The following MYH15 variants were observed in gnomAD, a reference collection of about 807,000 sequenced individuals.
MYH15 encodes the protein myosin-15.
Under a neutral mutation model 240.5 loss-of-function variants are expected in MYH15, and 227 were observed. The observed-to-expected ratio is 0.94, with a 90% CI of 0.85 to 1.05. MYH15 has a LOEUF of 1.05. Ranked by LOEUF, MYH15 falls within the 50% of genes least tolerant of loss-of-function variation. The pLI is 0.00. For synonymous variants in MYH15, 785 were observed against 796.7 expected (o/e 0.99, Z 0.25); for missense variants, 2,217 against 2,247.5 (o/e 0.99, Z 0.27).
chr3:108,513,705 T>A (rs755430152), upstream of MYH15, among the ~76,000 whole-genome samples: 1 of 152,138 alleles, frequency 6.6e-6, no homozygotes, highest in Non-Finnish European at 1.5e-5. Context: ...AATAAGAGAA[T>A]TGAGGACTTG....
chr3:108,408,525 TTG>T, intron 31 of MYH15, 121 bp from the exon 32 acceptor site: 2 of 965,914 alleles, frequency 2.1e-6, no homozygotes, highest in Non-Finnish European at 3.0e-6. Flanking sequence ...CCTTGGTAAC[TTG>T]ATGACCTATC....
At position 108,460,375 on chromosome 3, in the gene MYH15, A is replaced by C. The variant is rs1275885703; in HGVS notation, c.1865-8T>G. On this transcript the variant is annotated splice_polypyrimidine_tract_variant and splice_region_variant and intron_variant, in intron 16 of 40. Transcript: ENST00000693548. ...TCTCCCCAAATGGTATAGCTAGCAA[A>C]AAAAAAAAAAGAAAAAGATGAAAAC... 2.8e-6 allele frequency: 4 copies of C among 1,416,098 alleles called. No homozygotes were observed. The highest frequency in any genetic ancestry group is 3.8e-6 in the Non-Finnish European group (4 of 1,056,946). The allele number at this position is 1,416,098 out of a possible 1,614,324, so 87.7% of individuals were successfully genotyped here. A position where few individuals can be genotyped will look rare whatever the true frequency, so the allele number is the denominator to read the frequency against.
chr3:108,506,829 G>A (rs905333371), intron 1 of MYH15, among the ~76,000 whole-genome samples: 2 of 152,110 alleles, frequency 1.3e-5, no homozygotes, highest in Non-Finnish European at 1.5e-5. Context: ...TCAGGAGTTC[G>A]AGACCAGCCT....
At chr3:108,408,503 A>G (rs2082563591) in intron 31 of MYH15, 99 bp from the exon 32 acceptor site, 2 of 1,167,138 alleles carry the variant, frequency 1.7e-6, no homozygotes, top group African/African-American at 1.6e-5. Context: ...TGGAACAGTG[A>G]CCTCATGCCA....
Position 108,389,083 on chromosome 3 carries a change from A to C in MYH15, c.5431-9T>G. The C allele has an allele frequency of 6.2e-7, 1 of 1,613,194 alleles. No homozygotes were observed. The highest frequency in any genetic ancestry group is 8.5e-7 in the Non-Finnish European group (1 of 1,179,312). Reference sequence around the variant, plus strand: ...CCTTCCAGTTCACGAACCTGCAACCAAAACGTGACCTCAGACCAGACGCTG... The same window carrying C: ...CCTTCCAGTTCACGAACCTGCAACCCAAACGTGACCTCAGACCAGACGCTG... On this transcript the variant is annotated splice_polypyrimidine_tract_variant and intron_variant, in intron 37 of 40. Coordinates refer to ENST00000693548, the MANE Select transcript of MYH15 (RefSeq NM_014981.3).
At chr3:108,404,069 T>A (rs1199737478) in intron 33 of MYH15, among the ~76,000 whole-genome samples, 1 of 152,034 alleles carries the variant, frequency 6.6e-6, no homozygotes, top group South Asian at 2.1e-4. Flanking sequence ...AGGCCCAGGG[T>A]TTTTGCCCTT....
In MYH15 at chr3:108,391,794, C is replaced by A; in HGVS notation, c.5396G>T (p.Gly1799Val). Residue 1799 changes from glycine (G) to valine (V), a missense_variant, in exon 37 of 41, where the codon GGG (glycine) becomes GTG (valine). Coordinates refer to ENST00000693548, the MANE Select transcript of MYH15 (RefSeq NM_014981.3). The stretch of plus-strand genomic sequence containing the variant: ...TAGTTTCTGGATTTGCTTTCTACTC[C>A]CCATCAGGGCCATCTGTTCAGCTTC... ...LAEAEQMALM[G>V]SRKQIQKLES... The A allele has an allele frequency of 1.2e-6, 2 of 1,614,012 alleles. No homozygotes were observed. The highest frequency in any genetic ancestry group is 4.5e-5 in the East Asian group (2 of 44,872).
chr3:108,453,346 G>A (rs2107576603), intron 21 of MYH15, among the ~76,000 whole-genome samples: 1 of 152,218 alleles, frequency 6.6e-6, no homozygotes, highest in African/African-American at 2.4e-5. Context: ...AATTAAACAA[G>A]TTACACCAAG....
intron 21 of MYH15, among the ~76,000 whole-genome samples, chr3:108,447,447 G>C (rs1256930216): frequency 6.6e-6 from 1 of 152,006 alleles, no homozygotes; most frequent in African/African-American, 2.4e-5. Flanking sequence ...AAGTCAAAGA[G>C]AGAATTTTGA....
chr3:108,481,003 C>T (rs549937422), intron 11 of MYH15, among the ~76,000 whole-genome samples: 1 of 152,074 alleles, frequency 6.6e-6, no homozygotes, highest in Non-Finnish European at 1.5e-5. Flanking sequence ...AAAAATTCAA[C>T]ACCTCCATTT....
intron 1 of MYH15, among the ~76,000 whole-genome samples, chr3:108,506,917 G>C (rs1157783348): frequency 6.6e-6 from 1 of 152,112 alleles, no homozygotes; most frequent in Non-Finnish European, 1.5e-5. Context: ...TGTAATCCCA[G>C]CTACTCAGGA....
At chr3:108,470,294 C>T (rs2083161422) in intron 13 of MYH15, 82 bp from the exon 14 acceptor site, 1 of 990,758 alleles carries the variant, frequency 1.0e-6, no homozygotes, top group African/African-American at 1.7e-5. Flanking sequence ...AAAGAAAAAA[C>T]CATAACCATT....
At chr3:108,494,979 A>T (rs2083379964) in intron 7 of MYH15, among the ~76,000 whole-genome samples, 1 of 152,156 alleles carries the variant, frequency 6.6e-6, no homozygotes, top group Non-Finnish European at 1.5e-5. Context: ...AAAACATCCC[A>T]AATCTACCAG....
chr3:108,538,185 G>C, the MYH15 span, among the ~76,000 whole-genome samples: 2 of 152,178 alleles, frequency 1.3e-5, no homozygotes, highest in African/African-American at 4.8e-5. Flanking sequence ...ATCCTAGCTA[G>C]TTGACAAACT....
intron 14 of MYH15, among the ~76,000 whole-genome samples, chr3:108,467,238 A>G (rs2083127570): frequency 6.6e-6 from 1 of 151,658 alleles, no homozygotes; most frequent in Non-Finnish European, 1.5e-5. Flanking sequence ...CCAATCAAAA[A>G]AAGGATGGAG....
At chr3:108,405,794 A>G (rs1322774827) in intron 32 of MYH15, among the ~76,000 whole-genome samples, 1 of 152,192 alleles carries the variant, frequency 6.6e-6, no homozygotes, top group Non-Finnish European at 1.5e-5. Context: ...ACTTTGGGAT[A>G]AATTTTAAAA....
chr3:108,414,253 G>T lies in MYH15; in HGVS notation c.4124C>A (p.Thr1375Lys). 4 of 1,614,160 alleles carry T rather than the reference G, an allele frequency of 2.5e-6. No individual in the cohort carries two copies. The highest frequency in any genetic ancestry group is 3.4e-6 in the Non-Finnish European group (4 of 1,180,014). The part of the protein sequence containing the change: ...MKYENNVIQR[T>K]EDLEDAKKEL... ...TCACTTGGCATCCTCCAAGTCTTCT[G>T]TTCTCTGGATGACATTGTTTTCATA... The change falls in exon 30 of 41, where the codon ACA becomes AAA. Residue 1375 changes from threonine to lysine, a missense_variant. Transcript: ENST00000693548.
chr3:108,411,079 C>G, intron 30 of MYH15, 147 bp from the exon 31 acceptor site: 1 of 645,550 alleles, frequency 1.5e-6, no homozygotes, highest in East Asian at 2.8e-5. Context: ...ACAGCAGCTC[C>G]TATCTGAAAG....
intron 21 of MYH15, among the ~76,000 whole-genome samples, chr3:108,453,466 T>C (rs2082991646): frequency 6.6e-6 from 1 of 152,252 alleles, no homozygotes; most frequent in Non-Finnish European, 1.5e-5. Context: ...AGCTTGCTTT[T>C]CATGATTCTA....
Sources: allele counts gnomAD v4.1 joint callset (sites outside exome capture counted in the v4.1 genomes callset), GRCh38; gene constraint gnomAD v4.1.1; transcripts MANE v1.5; gene names NCBI Gene and HGNC (gene_info 2026-07-23, HGNC 2026-07-21).